Variants in CCDC85A observed in about 807,000 individuals in gnomAD.
The protein encoded by CCDC85A is coiled-coil domain-containing protein 85A.
CCDC85A carries 38 observed loss-of-function variants against 50.2 expected under a neutral mutation model. The ratio of observed to expected loss-of-function variants is 0.76; its 90% confidence interval spans 0.58 to 0.99. The LOEUF is 0.99. Ranked by LOEUF, CCDC85A falls within the 50% of genes least tolerant of loss-of-function variation. CCDC85A has a pLI of 0.00. For missense variants in CCDC85A, 820 were observed against 742.0 expected (o/e 1.11, Z -1.22); for synonymous variants, 366 against 301.4 (o/e 1.21, Z -2.22).
intron 2 of CCDC85A, among the ~76,000 whole-genome samples, chr2:56,260,071 C>T (rs909699010): frequency 1.6e-4 from 25 of 152,000 alleles, no homozygotes; most frequent in African/African-American, 5.1e-4. Context: ...GCATTTAAGA[C>T]AATAAAAGAG....
intron 4 of CCDC85A, among the ~76,000 whole-genome samples, chr2:56,373,604 A>C (rs10211402): frequency 0.89 from 135,891 of 152,150 alleles, 60,847 homozygotes; most frequent in East Asian, 0.97. Flanking sequence ...GAAAGAGAAC[A>C]TTTGAAGCAG....
intron 2 of CCDC85A, among the ~76,000 whole-genome samples, chr2:56,331,744 G>A (rs555050385): frequency 1.3e-5 from 2 of 152,272 alleles, no homozygotes; most frequent in African/African-American, 4.8e-5. Context: ...AGAAAACACA[G>A]CACTTGCATG....
intron 2 of CCDC85A, among the ~76,000 whole-genome samples, chr2:56,215,760 A>T (rs1036282076): frequency 6.6e-6 from 1 of 151,700 alleles, no homozygotes; most frequent in African/African-American, 2.4e-5. Context: ...TGCTTTGTAT[A>T]TTTTTGTATT....
At chr2:56,282,699 G>A (rs1232698174) in intron 2 of CCDC85A, among the ~76,000 whole-genome samples, 1 of 152,058 alleles carries the variant, frequency 6.6e-6, no homozygotes, top group Non-Finnish European at 1.5e-5. Context: ...TAGTAGAGAC[G>A]GGGTTTCACC....
chr2:56,323,349 G>A (rs1363128384), intron 2 of CCDC85A, among the ~76,000 whole-genome samples: 1 of 152,042 alleles, frequency 6.6e-6, no homozygotes, highest in Non-Finnish European at 1.5e-5. Flanking sequence ...ACAGAATTTA[G>A]CTTCTGAAGG....
intron 2 of CCDC85A, among the ~76,000 whole-genome samples, chr2:56,319,370 C>A (rs1277304438): frequency 6.6e-6 from 1 of 152,076 alleles, no homozygotes; most frequent in Non-Finnish European, 1.5e-5. Flanking sequence ...TGCTAGTCCA[C>A]AACACGTTCC....
chr2:56,384,382 C>T lies in CCDC85A; in HGVS notation c.*27C>T. The T allele has an allele frequency of 1.3e-6, 2 of 1,564,994 alleles. No individual in the cohort carries two copies. The highest frequency in any genetic ancestry group is 1.8e-6 in the Non-Finnish European group (2 of 1,140,178). On this transcript the variant is annotated 3_prime_UTR_variant, in exon 6 of 6. Transcript: ENST00000407595. ...ATGCACTCTTTTTCAAACAGGAGATCACCACTGCCAGAAAGTGATAGAAGA... is the reference window on the plus strand; with the variant it reads ...ATGCACTCTTTTTCAAACAGGAGATTACCACTGCCAGAAAGTGATAGAAGA...
rs369640638 is a variant in CCDC85A, at chr2:56,373,561, A to G, written c.1452+1083A>G. On this transcript the variant is annotated intron_variant, in intron 4 of 5. Transcript: ENST00000407595. ...GCCCATGCCCAAGCAAAAGGATGGT[A>G]TTATTGATACGCTTATCTTTTTACC... Among the ~76,000 whole-genome samples, 6 of 152,180 alleles carry G rather than the reference A, an allele frequency of 3.9e-5. No individual in the cohort carries two copies. In the East Asian group the frequency reaches 7.7e-4, roughly 20 times the overall value.
chr2:56,345,256 A>G (rs949557827), intron 3 of CCDC85A, among the ~76,000 whole-genome samples: 1 of 152,104 alleles, frequency 6.6e-6, no homozygotes, highest in Non-Finnish European at 1.5e-5. Context: ...TGATGCTAAG[A>G]TGTTATTGAT....
intron 2 of CCDC85A, among the ~76,000 whole-genome samples, chr2:56,308,320 A>G (rs943138559): frequency 6.6e-6 from 1 of 152,192 alleles, no homozygotes; most frequent in East Asian, 1.9e-4. Context: ...AATGGAAGAC[A>G]GTGTTGGGGG....
intron 2 of CCDC85A, among the ~76,000 whole-genome samples, chr2:56,312,495 T>C (rs1269347854): frequency 1.3e-5 from 2 of 152,182 alleles, no homozygotes; most frequent in African/African-American, 4.8e-5. Flanking sequence ...GTATGTACCA[T>C]GTATGCTGCC....
intron 2 of CCDC85A, among the ~76,000 whole-genome samples, chr2:56,304,653 C>G (rs1413594421): frequency 6.6e-6 from 1 of 152,116 alleles, no homozygotes; most frequent in South Asian, 2.1e-4. Flanking sequence ...TGCTCACTCT[C>G]TAAACTTTTA....
chr2:56,378,148 T>C (rs1055531095), intron 5 of CCDC85A, among the ~76,000 whole-genome samples: 9 of 152,186 alleles, frequency 5.9e-5, no homozygotes, highest in Non-Finnish European at 1.3e-4. Context: ...TTATGGCCAC[T>C]TGACATGTTT....
At chr2:56,204,823 A>G (rs1319387412) in intron 2 of CCDC85A, among the ~76,000 whole-genome samples, 1 of 152,212 alleles carries the variant, frequency 6.6e-6, no homozygotes, top group South Asian at 2.1e-4. Flanking sequence ...GCCTGTCAGG[A>G]TTGCAGCAAT....
chr2:56,287,307 C>T (rs192915555), intron 2 of CCDC85A, among the ~76,000 whole-genome samples: 5 of 152,278 alleles, frequency 3.3e-5, no homozygotes, highest in East Asian at 1.9e-4. Context: ...TCAGTGGCTG[C>T]GAGCTTCAAT....
rs1675923515 is a variant in CCDC85A, at chr2:56,184,736, A to G, written c.112A>G (p.Lys38Glu). 3 of 1,542,038 alleles carry G rather than the reference A, an allele frequency of 1.9e-6. No homozygotes were observed. The highest frequency in any genetic ancestry group is 8.7e-7 in the Non-Finnish European group (1 of 1,145,092). The change falls in exon 1 of 6, where the codon AAA becomes GAA. Residue 38 changes from lysine (K) to glutamate (E), a missense_variant. Lys to Glu is a moderately conservative substitution (Grantham distance 56, BLOSUM62 1). Transcript: ENST00000407595. ...APPAPVEDLS[K>E]VSDEELLQWS... The stretch of plus-strand genomic sequence containing the variant: ...GCCCGCGCCGGTGGAGGACCTGTCC[A>G]AAGTGTCGGACGAGGAGCTGCTGCA...
intron 2 of CCDC85A, among the ~76,000 whole-genome samples, chr2:56,297,793 C>G (rs1217666442): frequency 6.6e-6 from 1 of 152,078 alleles, no homozygotes; most frequent in Non-Finnish European, 1.5e-5. Flanking sequence ...GGGTATAGGA[C>G]TTCATTCTTT....
intron 2 of CCDC85A, among the ~76,000 whole-genome samples, chr2:56,287,219 A>G (rs942646423): frequency 1.3e-5 from 2 of 152,152 alleles, no homozygotes; most frequent in Non-Finnish European, 2.9e-5. Flanking sequence ...GAGACCTTCA[A>G]GCTAACTTCT....
intron 1 of CCDC85A, among the ~76,000 whole-genome samples, chr2:56,185,171 G>A (rs1413709755): frequency 6.6e-6 from 1 of 152,198 alleles, no homozygotes; most frequent in Admixed American, 6.5e-5. Flanking sequence ...GGGAGGTGAA[G>A]GGCACGCGAA....
Sources: gnomAD v4.1 joint callset for allele counts (sites outside exome capture counted in the v4.1 genomes callset) on GRCh38, gnomAD v4.1.1 for gene constraint, MANE v1.5 for transcripts, NCBI Gene and HGNC (gene_info 2026-07-23, HGNC 2026-07-21) for gene names.